SLC6A7: variants seen among roughly 807,000 people sequenced by gnomAD.
SLC6A7 encodes solute carrier family 6 member 7.
In SLC6A7, 58 loss-of-function variants were observed where a neutral mutation model predicts 73.1. The observed-to-expected ratio is 0.79, with a 90% CI of 0.64 to 0.99. SLC6A7 has a LOEUF of 0.99. Among genes scored for constraint, SLC6A7 ranks in the 50% least tolerant of loss-of-function variants. The probability of loss-of-function intolerance (pLI) is 0.00; values close to 1 mark genes in which losing one functional copy is unlikely to be tolerated. For synonymous variants in SLC6A7, 338 were observed against 338.7 expected (o/e 1.00, Z 0.02); for missense variants, 783 against 831.4 (o/e 0.94, Z 0.72).
chr5:150,199,516 C>T, intron 5 of SLC6A7, 150 bp downstream of exon 5: 2 of 593,332 alleles, frequency 3.4e-6, no homozygotes, highest in Non-Finnish European at 2.9e-6. Context: ...GGGATGAGGG[C>T]TGCTTGAAGA....
Position 150,202,403 on chromosome 5 carries a change from G to A in SLC6A7, c.915G>A (p.Gly305=), listed in dbSNP as rs748862309. ...ATTCCCTGGGTGTGGGCTTCGGGGG[G>A]CTCCTCACCTTTGCCTCCTACAACA... ...IFYSLGVGFG[G]LLTFASYNTF... Residue 305 remains glycine, a synonymous_variant, in exon 7 of 14, where the codon GGG becomes GGA. Coordinates refer to ENST00000230671, the MANE Select transcript of SLC6A7 (RefSeq NM_014228.5). The A allele has an allele frequency of 4.3e-6, 7 of 1,614,062 alleles. No homozygotes were observed. The highest frequency in any genetic ancestry group is 1.7e-6 in the Non-Finnish European group (2 of 1,179,964).
intron 5 of SLC6A7, among the ~76,000 whole-genome samples, 177 bp from the exon 6 acceptor site, chr5:150,200,912 G>C (rs993454750): frequency 6.6e-6 from 1 of 152,212 alleles, no homozygotes; most frequent in East Asian, 1.9e-4. Flanking sequence ...AAGCAAGGTG[G>C]TGGTGCTTTG....
Position 150,204,501 on chromosome 5 carries a change from AGGG to A in SLC6A7, c.1333-29_1333-27del, listed in dbSNP as rs200728726. The A allele has an allele frequency of 2.9e-3, 4,503 of 1,532,296 alleles. 126 individuals carry two copies. The East Asian group carries it at 0.045, about 15-fold the overall frequency. 94.9% of individuals were successfully genotyped at this position (1,532,296 alleles called of 1,614,324 possible). On this transcript the variant is annotated intron_variant, in intron 10 of 13. Transcript: ENST00000230671. ...CTGTAGCAGAGAACGAGGCCCAGGA[AGGG>A]GACACCAGAACTGTGCTTGTGTTTT... is the stretch of plus-strand genomic sequence containing the variant.
Position 150,204,038 on chromosome 5 carries a change from T to C in SLC6A7, c.1332T>C (p.Asp444=). The stretch of plus-strand genomic sequence containing the variant: ...TGATGGGGCTGATCCTCACCACTGA[T>C]GTGAGTGGCGCTACAGGGAGGATGG... ...MYLMGLILTT[D]GGMYWLVLLD... The change falls in exon 10 of 14, where the codon GAT becomes GAC. Residue 444 remains aspartate (D), a splice_region_variant and synonymous_variant. Coordinates refer to ENST00000230671, the MANE Select transcript of SLC6A7 (RefSeq NM_014228.5). 1 of 1,612,630 alleles carries C rather than the reference T, an allele frequency of 6.2e-7. No individual in the cohort carries two copies. Among genetic ancestry groups the C allele is most frequent in the Non-Finnish European group, 8.5e-7 (1 of 1,179,384 alleles).
intron 13 of SLC6A7, among the ~76,000 whole-genome samples, 179 bp downstream of exon 13, chr5:150,205,802 C>T (rs1306145489): frequency 6.6e-6 from 1 of 152,206 alleles, no homozygotes; most frequent in Middle Eastern, 3.2e-3. Context: ...GCACTTTGTA[C>T]CACATGAAGC....
chr5:150,208,662 A>T (rs1463454582), intron 13 of SLC6A7, among the ~76,000 whole-genome samples: 1 of 152,216 alleles, frequency 6.6e-6, no homozygotes, highest in African/African-American at 2.4e-5. Context: ...GAACCTGCCC[A>T]GTGGGCTGCC....
chr5:150,192,545 T>C (rs114440409), intron 1 of SLC6A7, among the ~76,000 whole-genome samples: 4 of 152,172 alleles, frequency 2.6e-5, no homozygotes, highest in Non-Finnish European at 2.9e-5. Flanking sequence ...ACCAGCCCCA[T>C]CCTCACTGTG....
chr5:150,206,552 C>A (rs969955453), intron 13 of SLC6A7, among the ~76,000 whole-genome samples: 23 of 152,362 alleles, frequency 1.5e-4, no homozygotes, highest in Admixed American at 1.1e-3. Flanking sequence ...CCCCGTGTAG[C>A]TCCTGCCCCT....
intron 13 of SLC6A7, among the ~76,000 whole-genome samples, chr5:150,207,346 C>G (rs1044622604): frequency 4.6e-5 from 7 of 152,140 alleles, no homozygotes; most frequent in African/African-American, 1.4e-4. Context: ...ACCTCCGCCT[C>G]CCGGGTTCAA....
chr5:150,204,013 T>C lies in SLC6A7; in HGVS notation c.1307T>C (p.Leu436Pro), dbSNP rs1753546404. Residue 436 changes from leucine (L) to proline (P), a missense_variant, in exon 10 of 14, where the codon CTG (leucine) becomes CCG (proline). Physicochemically the swap from Leu to Pro is moderately conservative, Grantham distance 98. Transcript: ENST00000230671. ...GGGCTCATCTGCGTGGCCATGTACC[T>C]GATGGGGCTGATCCTCACCACTGAT... ...FSGLICVAMY[L>P]MGLILTTDGG... The C allele has an allele frequency of 6.2e-7, 1 of 1,613,312 alleles. No homozygotes were observed. Among genetic ancestry groups the C allele is most frequent in the South Asian group, 1.1e-5 (1 of 90,870 alleles).
At chr5:150,204,506 A>T in intron 10 of SLC6A7, 26 bp from the exon 11 acceptor site, 1 of 1,561,954 alleles carries the variant, frequency 6.4e-7, no homozygotes, top group Middle Eastern at 1.7e-4. Flanking sequence ...CAGGAAGGGG[A>T]CACCAGAACT....
At chr5:150,203,389 G>A (rs1487150707) in intron 8 of SLC6A7, among the ~76,000 whole-genome samples, 1 of 152,154 alleles carries the variant, frequency 6.6e-6, no homozygotes. Flanking sequence ...TGTTAGTGGG[G>A]TTATTTGTAC....
intron 1 of SLC6A7, among the ~76,000 whole-genome samples, chr5:150,193,328 C>G (rs1006247187): frequency 1.3e-5 from 2 of 152,198 alleles, no homozygotes; most frequent in African/African-American, 2.4e-5. Context: ...CAGCTGGCCT[C>G]CGCTCCCCTC....
Position 150,208,562 on chromosome 5 carries a change from G to C in SLC6A7, c.1702-844G>C, listed in dbSNP as rs1048174860. On this transcript the variant is annotated intron_variant, in intron 13 of 13. Transcript: ENST00000230671. Reference sequence around the variant, plus strand: ...GCTTCTGAGCAGTGGGGTAGCATGCGTTCAACACATCTTCCTAAGTATCAC... The same window carrying C: ...GCTTCTGAGCAGTGGGGTAGCATGCCTTCAACACATCTTCCTAAGTATCAC... Among the ~76,000 whole-genome samples the C allele has an allele frequency of 2.0e-5, 3 of 152,288 alleles. No individual in the cohort carries two copies. The East Asian group carries it at 5.8e-4, about 29-fold the overall frequency.
chr5:150,198,848 G>GTGTT (rs1753217230), intron 4 of SLC6A7, among the ~76,000 whole-genome samples: 1 of 151,104 alleles, frequency 6.6e-6, no homozygotes, highest in Admixed American at 6.6e-5. Context: ...GTGTGTGTGT[G>GTGTT]TGTGTGTGTG....
intron 13 of SLC6A7, 43 bp downstream of exon 13, chr5:150,205,666 T>C (rs775885369): frequency 2.6e-6 from 4 of 1,531,572 alleles, no homozygotes; most frequent in Non-Finnish European, 3.5e-6. Context: ...TCCTGACCTG[T>C]GGCCTGACCC....
In SLC6A7 at chr5:150,202,720, G is replaced by A; in HGVS notation, c.1087+17G>A. The A allele has an allele frequency of 5.0e-6, 8 of 1,613,330 alleles. No individual in the cohort carries two copies. Among genetic ancestry groups the A allele is most frequent in the Non-Finnish European group, 6.8e-6 (8 of 1,179,526 alleles). On this transcript the variant is annotated intron_variant, in intron 8 of 13. Transcript: ENST00000230671. ...CCAAAGCAGGTGGGCAGGCTGCCAGGCCTCAGTGGGGTGAGCATGTGTGTT... is the reference window on the plus strand; with the variant it reads ...CCAAAGCAGGTGGGCAGGCTGCCAGACCTCAGTGGGGTGAGCATGTGTGTT...
In SLC6A7 at chr5:150,205,470, T is replaced by C. The variant is rs373245841; in HGVS notation, c.1548T>C (p.Tyr516=). Residue 516 remains tyrosine, a synonymous_variant, in exon 13 of 14, where the codon TAT becomes TAC. Coordinates refer to ENST00000230671, the MANE Select transcript of SLC6A7 (RefSeq NM_014228.5). The part of the protein sequence containing the change: ...SPATLLALMV[Y]SIVKYQPSEY... ...CCACTCTGCAGGCCCTCATGGTGTA[T>C]AGCATCGTCAAGTACCAGCCCTCGG... is the stretch of plus-strand genomic sequence containing the variant. 2.6e-5 allele frequency: 41 copies of C among 1,606,984 alleles called. No individual in the cohort carries two copies. The highest frequency in any genetic ancestry group is 3.4e-5 in the Non-Finnish European group (40 of 1,176,624).
Position 150,194,879 on chromosome 5 carries a change from G to C in SLC6A7, c.185G>C (p.Arg62Pro), listed in dbSNP as rs774009545. 5 of 1,613,996 alleles carry C rather than the reference G, an allele frequency of 3.1e-6. No individual in the cohort carries two copies. Among genetic ancestry groups the C allele is most frequent in the Non-Finnish European group, 4.2e-6 (5 of 1,179,982 alleles). ...TGTGTAGGCCTGGGGAATGTCTGGC[G>C]CTTCCCCTATCGAGCGTACACCAAT... Reference protein sequence around the residue: ...GYCVGLGNVWRFPYRAYTNGG... With the variant: ...GYCVGLGNVWPFPYRAYTNGG... The change falls in exon 2 of 14, where the codon CGC (arginine) becomes CCC (proline). Residue 62 changes from arginine (R) to proline (P), a missense_variant. Arg to Pro is a moderately radical substitution (Grantham distance 103). Coordinates refer to ENST00000230671, the MANE Select transcript of SLC6A7 (RefSeq NM_014228.5).
Sources: allele counts gnomAD v4.1 joint callset (sites outside exome capture counted in the v4.1 genomes callset), GRCh38; gene constraint gnomAD v4.1.1; transcripts MANE v1.5; gene names NCBI Gene and HGNC (gene_info 2026-07-23, HGNC 2026-07-21).